CD9: variants seen among roughly 807,000 people sequenced by gnomAD.
The protein encoded by CD9 is CD9 molecule.
Under a neutral mutation model 31.4 loss-of-function variants are expected in CD9, and 10 were observed. The ratio of observed to expected loss-of-function variants is 0.32; its 90% CI spans 0.20 to 0.54. The LOEUF (loss-of-function observed/expected upper bound fraction) is 0.54. CD9 is among the 20% of genes least tolerant of loss of function. The pLI, the probability that CD9 is intolerant of heterozygous loss-of-function variation, is 0.94. For synonymous variants in CD9, 113 were observed against 114.1 expected, an observed-to-expected ratio of 0.99 and a Z score of 0.06; for missense variants, 259 against 300.1, an observed-to-expected ratio of 0.86 and a Z score of 1.01.
chr12:6,233,108 G>A lies in CD9; in HGVS notation c.274-304G>A, dbSNP rs1946471564. 7.1e-6 allele frequency: 5 copies of A among 700,012 alleles called. No individual in the cohort carries two copies. The Admixed American group carries it at 1.0e-4, about 14-fold the overall frequency. The allele number at this position is 700,012 out of a possible 1,614,324, so 43.4% of individuals were successfully genotyped here. A position where few individuals can be genotyped will look rare whatever the true frequency, so the allele number is the denominator to read the frequency against. ...TACTTGCCCAAATCTCTTGTCTTTT[G>A]TGAACAATAGTAGTTGCCTGCTCAC... On this transcript the variant is annotated intron_variant, in intron 3 of 7. Coordinates refer to ENST00000009180, the MANE Select transcript of CD9 (RefSeq NM_001769.4).
intron 1 of CD9, among the ~76,000 whole-genome samples, chr12:6,208,266 T>A (rs1308398582): frequency 2.0e-5 from 3 of 150,670 alleles, no homozygotes; most frequent in Non-Finnish European, 4.4e-5. Context: ...CCTTCACAGC[T>A]TACCCAATGC....
At chr12:6,212,140 C>T (rs925812780) in intron 1 of CD9, among the ~76,000 whole-genome samples, 1 of 152,152 alleles carries the variant, frequency 6.6e-6, no homozygotes, top group Non-Finnish European at 1.5e-5. Context: ...AGGGAGGAGA[C>T]AGGTCAGCAA....
At chr12:6,203,778 A>G (rs1182988395) in intron 1 of CD9, among the ~76,000 whole-genome samples, 1 of 152,200 alleles carries the variant, frequency 6.6e-6, no homozygotes, top group Non-Finnish European at 1.5e-5. Context: ...CTCCAGCTGA[A>G]ATGGGGAACC....
At chr12:6,217,739 A>G (rs1270258317) in intron 1 of CD9, among the ~76,000 whole-genome samples, 2 of 152,166 alleles carry the variant, frequency 1.3e-5, no homozygotes, top group African/African-American at 4.8e-5. Context: ...AGTTGGGAAG[A>G]AAGTTCTCCC....
chr12:6,212,370 C>T (rs1313888783), intron 1 of CD9, among the ~76,000 whole-genome samples: 1 of 152,218 alleles, frequency 6.6e-6, no homozygotes, highest in Non-Finnish European at 1.5e-5. Flanking sequence ...ATTCTAGTCT[C>T]CTCCCTGGGA....
At chr12:6,227,686 G>T (rs1946387571) in intron 2 of CD9, among the ~76,000 whole-genome samples, 1 of 152,220 alleles carries the variant, frequency 6.6e-6, no homozygotes, top group Non-Finnish European at 1.5e-5. Context: ...GCAGGGCCAG[G>T]TTTTGAACCC....
Position 6,235,560 on chromosome 12 carries a change from G to T in CD9, c.532G>T (p.Val178Leu), listed in dbSNP as rs71582900. The T allele has an allele frequency of 1.7e-5, 28 of 1,611,502 alleles. 2 individuals are homozygous for T. In the South Asian group the frequency reaches 2.8e-4, roughly 16 times the overall value. The stretch of plus-strand genomic sequence containing the variant: ...GAAGGACGTACTCGAAACCTTCACC[G>T]TGAAGGTAAACTCAGACCAGGATCC... ...PKKDVLETFT[V>L]KSCPDAIKEV... The change falls in exon 6 of 8, where the codon GTG becomes TTG. Residue 178 changes from valine (V) to leucine (L), a missense_variant. By Grantham distance (32) the Val-to-Leu change is conservative. Coordinates refer to ENST00000009180, the MANE Select transcript of CD9 (RefSeq NM_001769.4).
At chr12:6,224,393 G>A (rs867326942) in intron 1 of CD9, among the ~76,000 whole-genome samples, 16 of 152,204 alleles carry the variant, frequency 1.1e-4, no homozygotes, top group African/African-American at 2.4e-4. Flanking sequence ...TGCTGCAGGC[G>A]GAGGTCTGGG....
At chr12:6,236,394 C>T in intron 7 of CD9, 119 bp downstream of exon 7, 1 of 832,024 alleles carries the variant, frequency 1.2e-6, no homozygotes, top group Non-Finnish European at 1.9e-6. Context: ...TCCTCGTGCC[C>T]TTAGTATTTC....
rs1404316973 is a variant in CD9 at position 6,232,649 on chromosome 12, G to A, written c.193G>A (p.Gly65Arg). ...SFYTGVYILI[G>R]AGALMMLVGF... Reference sequence around the variant, plus strand: ...TCCCGCAGGAGTCTATATTCTGATCGGAGCCGGCGCCCTCATGATGCTGGT... The same window carrying A: ...TCCCGCAGGAGTCTATATTCTGATCAGAGCCGGCGCCCTCATGATGCTGGT... The change falls in exon 3 of 8, where the codon GGA becomes AGA. Residue 65 changes from glycine (G) to arginine (R), a missense_variant. Physicochemically the swap from Gly to Arg is moderately radical, Grantham distance 125. Transcript: ENST00000009180. The surrounding 1 kb of genome is among the most constrained non-coding windows in gnomAD (Gnocchi z 4.8). 1.3e-6 allele frequency: 2 copies of A among 1,577,170 alleles called. No homozygotes were observed. Among genetic ancestry groups the A allele is most frequent in the South Asian group, 1.2e-5 (1 of 86,236 alleles).
At chr12:6,217,081 T>C (rs891510536) in intron 1 of CD9, among the ~76,000 whole-genome samples, 5 of 152,146 alleles carry the variant, frequency 3.3e-5, no homozygotes, top group African/African-American at 4.8e-5. Context: ...AAGTGTGTAG[T>C]GTCAGAGAGC....
intron 4 of CD9, 142 bp downstream of exon 4, chr12:6,233,628 A>G (rs2136637741): frequency 1.5e-6 from 1 of 672,754 alleles, no homozygotes; most frequent in East Asian, 2.6e-5. Flanking sequence ...CCTGTGTGCC[A>G]GCGAATGTGC....
chr12:6,210,950 C>G (rs533264963), intron 1 of CD9, among the ~76,000 whole-genome samples: 1 of 151,638 alleles, frequency 6.6e-6, no homozygotes, highest in South Asian at 2.1e-4. Context: ...GATTGAACAG[C>G]CTCAGCCTCC....
At position 6,232,933 on chromosome 12, in the gene CD9, C is replaced by T. The variant is rs1299544707; in HGVS notation, c.273+204C>T. The T allele has an allele frequency of 5.7e-6, 4 of 702,720 alleles. No individual in the cohort carries two copies. Among genetic ancestry groups the T allele is most frequent in the East Asian group, 2.7e-5 (1 of 37,296 alleles). The allele number at this position is 702,720 out of a possible 1,614,324, so 43.5% of individuals were successfully genotyped here. On this transcript the variant is annotated intron_variant, in intron 3 of 7. Coordinates refer to ENST00000009180, the MANE Select transcript of CD9 (RefSeq NM_001769.4). This position sits in a 1 kb window ranked among gnomAD's most constrained non-coding sequence, Gnocchi z 4.8. ...TCTGGAGCCTGTCTTATCGCTTCCC[C>T]TAGGCAACTAAAAGGACTATGTTTC...
chr12:6,206,246 C>A (rs1323216055), intron 1 of CD9, among the ~76,000 whole-genome samples: 1 of 150,620 alleles, frequency 6.6e-6, no homozygotes, highest in African/African-American at 2.4e-5. Flanking sequence ...AGACGGTGCT[C>A]ACTCTGTCAC....
chr12:6,236,736 G>T, intron 7 of CD9: 1 of 350,396 alleles, frequency 2.9e-6, no homozygotes, highest in Non-Finnish European at 5.1e-6. Flanking sequence ...GGGCCAACCA[G>T]GTTCCTTGGG....
chr12:6,220,623 C>T (rs1345726849), intron 1 of CD9, among the ~76,000 whole-genome samples: 1 of 152,184 alleles, frequency 6.6e-6, no homozygotes, highest in Non-Finnish European at 1.5e-5. Flanking sequence ...CAGAGGCAGA[C>T]CTGCATAGTC....
At chr12:6,222,612 C>T (rs1262981884) in intron 1 of CD9, among the ~76,000 whole-genome samples, 2 of 152,228 alleles carry the variant, frequency 1.3e-5, no homozygotes, top group Admixed American at 6.5e-5. Flanking sequence ...CCTTTTCCCT[C>T]GTGGTTCCAG....
At chr12:6,226,459 T>C (rs538840507) in intron 2 of CD9, 1 of 152,342 alleles carries the variant, frequency 6.6e-6, no homozygotes, top group East Asian at 1.9e-4. Flanking sequence ...GGTCACTTCC[T>C]TCCCACCCAC....
Sources: allele counts gnomAD v4.1 joint callset (sites outside exome capture counted in the v4.1 genomes callset), GRCh38; gene constraint gnomAD v4.1.1; non-coding constraint Gnocchi (gnomAD v3.1); transcripts MANE v1.5; gene names NCBI Gene and HGNC (gene_info 2026-07-23, HGNC 2026-07-21).